GJC1: variants seen among roughly 807,000 people sequenced by gnomAD.
GJC1 encodes the protein gap junction gamma-1 protein.
In GJC1, 5 loss-of-function variants were observed where a neutral mutation model predicts 29.3. The observed-to-expected ratio is 0.17, with a 90% CI of 0.09 to 0.36. GJC1 has a LOEUF of 0.36. Ranked by LOEUF, GJC1 falls within the 10% of genes least tolerant of loss-of-function variation. The pLI is 1.00. For synonymous variants in GJC1, 177 were observed against 183.3 expected (o/e 0.97, Z 0.28); for missense variants, 310 against 496.2 (o/e 0.62, Z 3.56).
chr17:44,817,654 G>A (rs951558986), intron 1 of GJC1, among the ~76,000 whole-genome samples: 3 of 152,014 alleles, frequency 2.0e-5, no homozygotes, highest in Admixed American at 6.6e-5. Flanking sequence ...AGGTTGTGGT[G>A]AGCTGAGATT....
intron 1 of GJC1, among the ~76,000 whole-genome samples, chr17:44,815,018 TA>T (rs1487212159): frequency 6.6e-6 from 1 of 152,078 alleles, no homozygotes; most frequent in Non-Finnish European, 1.5e-5. Flanking sequence ...GGTTATAGTG[TA>T]GGGGCTGAAA....
At chr17:44,813,031 G>A (rs992299168) in intron 1 of GJC1, 4 of 151,820 alleles carry the variant, frequency 2.6e-5, no homozygotes, top group African/African-American at 9.7e-5. Context: ...TCACAAAATG[G>A]GTGACGAGCA....
intron 1 of GJC1, among the ~76,000 whole-genome samples, chr17:44,824,499 C>G (rs2050147016): frequency 6.6e-6 from 1 of 152,068 alleles, no homozygotes; most frequent in Middle Eastern, 3.2e-3. Context: ...ACAGGGCCCT[C>G]ACTATGTTGC....
intron 1 of GJC1, among the ~76,000 whole-genome samples, chr17:44,815,715 G>A (rs1432668584): frequency 2.0e-5 from 3 of 152,018 alleles, no homozygotes; most frequent in African/African-American, 7.2e-5. Flanking sequence ...ATATAGTATA[G>A]ACATTGATTA....
downstream of GJC1, among the ~76,000 whole-genome samples, chr17:44,796,838 C>T (rs1247463872): frequency 1.3e-5 from 2 of 151,738 alleles, no homozygotes; most frequent in African/African-American, 2.4e-5. Flanking sequence ...CACACACACA[C>T]GTATATATAT....
intron 1 of GJC1, chr17:44,829,694 C>CGGCACCGCCGG (rs1187219446): frequency 6.6e-6 from 1 of 152,044 alleles, no homozygotes; most frequent in Non-Finnish European, 1.5e-5. Context: ...GGGTAGTTGT[C>CGGCACCGCCGG]GGCACCGCCG....
At chr17:44,822,643 C>CAAAAAAAAAAAAAAAA (rs11423012) in intron 1 of GJC1, among the ~76,000 whole-genome samples, 1 of 80,268 alleles carries the variant, frequency 1.2e-5, no homozygotes, top group African/African-American at 5.0e-5. Context: ...AACTCCATCT[C>CAAAAAAAAAAAAAAAA]AAAAAAAAAA....
At chr17:44,824,842 TAGTGAG>T (rs2050152569) in intron 1 of GJC1, among the ~76,000 whole-genome samples, 1 of 95,436 alleles carries the variant, frequency 1.0e-5, no homozygotes, top group Non-Finnish European at 2.1e-5. Flanking sequence ...TCAAGTGCAA[TAGTGAG>T]AAGGGGGGGA....
rs2049900791 is a variant in GJC1, at chr17:44,805,325, G to A, written c.493C>T (p.Arg165Ter). 1.9e-6 allele frequency: 3 copies of A among 1,614,084 alleles called. No individual in the cohort carries two copies. The highest frequency in any genetic ancestry group is 2.5e-6 in the Non-Finnish European group (3 of 1,180,014). ...QSQPKPKHDG[R>*]RRIREDGLMK... ...AGCCCATCTTCCCGAATCCGTCGTC[G>A]GCCATCATGCTTAGGTTTGGGTTGG... Residue 165 changes from arginine (R) to a stop codon, truncating the protein, a stop_gained, in exon 3 of 3, where the codon CGA becomes TGA. Coordinates refer to ENST00000592524, the MANE Select transcript of GJC1 (RefSeq NM_005497.4). LOFTEE classifies it high-confidence loss of function. This position sits in a 1 kb window ranked among gnomAD's most constrained non-coding sequence, Gnocchi z 5.1.
intron 1 of GJC1, among the ~76,000 whole-genome samples, chr17:44,823,546 A>G (rs2050136462): frequency 6.7e-6 from 1 of 149,996 alleles, no homozygotes; most frequent in Non-Finnish European, 1.5e-5. Flanking sequence ...CACCGTACCT[A>G]GCCTCTTTCC....
At chr17:44,807,094 A>G (rs567519988) in intron 2 of GJC1, among the ~76,000 whole-genome samples, 9 of 152,334 alleles carry the variant, frequency 5.9e-5, no homozygotes, top group Non-Finnish European at 1.0e-4. Context: ...ATACTTCTGT[A>G]CCTTATTTAT....
Position 44,798,717 on chromosome 17 carries a change from A to G in GJC1, c.*5910T>C, listed in dbSNP as rs2049804216. 1 of 152,234 alleles carries G rather than the reference A, an allele frequency of 6.6e-6. No individual in the cohort carries two copies. Among genetic ancestry groups the G allele is most frequent in the Non-Finnish European group, 1.5e-5 (1 of 68,034 alleles). 9.4% of individuals were successfully genotyped at this position (152,234 alleles called of 1,614,324 possible). Reference sequence around the variant, plus strand: ...TGGAAGTCCTAGCTAAGTTTTCAATATCAATATGCTACCCATGTCATAACA... The same window carrying G: ...TGGAAGTCCTAGCTAAGTTTTCAATGTCAATATGCTACCCATGTCATAACA... On this transcript the variant is annotated 3_prime_UTR_variant, in exon 3 of 3. Transcript: ENST00000592524.
upstream of GJC1, chr17:44,830,811 T>C: frequency 2.5e-6 from 1 of 397,988 alleles, no homozygotes; most frequent in Non-Finnish European, 4.4e-6. This position sits in a 1 kb window ranked among gnomAD's most constrained non-coding sequence, Gnocchi z 4.3. Context: ...CTCTTAGCAG[T>C]GCTCTAGATA....
chr17:44,809,231 T>TG (rs2049946248), intron 1 of GJC1, among the ~76,000 whole-genome samples: 1 of 152,158 alleles, frequency 6.6e-6, no homozygotes, highest in Admixed American at 6.6e-5. Flanking sequence ...ACTGCACTCC[T>TG]GCCTGGGCGA....
chr17:44,819,182 G>C (rs1367753655), intron 1 of GJC1, among the ~76,000 whole-genome samples: 1 of 152,004 alleles, frequency 6.6e-6, no homozygotes, highest in Non-Finnish European at 1.5e-5. Context: ...TCTAGACCCA[G>C]AAACAGTAAC....
intron 1 of GJC1, among the ~76,000 whole-genome samples, chr17:44,809,882 A>G (rs2049955473): frequency 8.7e-6 from 1 of 114,890 alleles, no homozygotes; most frequent in Non-Finnish European, 1.8e-5. Flanking sequence ...TTTTTTCCAG[A>G]CAGTCTCGCT....
chr17:44,814,330 T>C (rs1170222579), intron 1 of GJC1, among the ~76,000 whole-genome samples: 1 of 151,482 alleles, frequency 6.6e-6, no homozygotes, highest in African/African-American at 2.4e-5. Flanking sequence ...TTAGTAGAGA[T>C]GGGGTTTCAC....
intron 1 of GJC1, among the ~76,000 whole-genome samples, chr17:44,829,280 A>AC (rs1170463605): frequency 6.6e-6 from 1 of 152,174 alleles, no homozygotes; most frequent in African/African-American, 2.4e-5. Flanking sequence ...CATCTTTTCA[A>AC]CTCAGAGCTC....
Position 44,801,471 on chromosome 17 carries a change from T to A in GJC1, c.*3156A>T, listed in dbSNP as rs1047709376. The A allele has an allele frequency of 2.0e-5, 3 of 152,218 alleles. No homozygotes were observed. Among genetic ancestry groups the A allele is most frequent in the African/African-American group, 7.2e-5 (3 of 41,450 alleles). The allele number at this position is 152,218 out of a possible 1,614,324, so 9.4% of individuals were successfully genotyped here. ...GCAATTCAAAACAGTATGATTCTGA[T>A]GCGAGTGAGAACTAAATGTTGGACA... is the stretch of plus-strand genomic sequence containing the variant. On this transcript the variant is annotated 3_prime_UTR_variant, in exon 3 of 3. Transcript: ENST00000592524.
Sources: allele counts gnomAD v4.1 joint callset (sites outside exome capture counted in the v4.1 genomes callset), GRCh38; gene constraint gnomAD v4.1.1; non-coding constraint Gnocchi (gnomAD v3.1); transcripts MANE v1.5; gene names NCBI Gene and HGNC (gene_info 2026-07-23, HGNC 2026-07-21).